MARCHF1: variants seen among roughly 807,000 people sequenced by gnomAD.
MARCHF1 encodes the protein membrane associated ring-CH-type finger 1, also known as E3 ubiquitin-protein ligase MARCHF1.
A neutral mutation model predicts 54.2 loss-of-function variants in MARCHF1; 40 were observed. The observed-to-expected ratio is 0.74, with a 90% CI of 0.57 to 0.96. The LOEUF (loss-of-function observed/expected upper bound fraction) is 0.96, where lower values mean the gene tolerates loss of function less well. MARCHF1 is among the 40% of genes least tolerant of loss of function. The pLI is 0.00. For synonymous variants in MARCHF1, 236 were observed against 236.3 expected (o/e 1.00, Z 0.01); for missense variants, 586 against 656.5 (o/e 0.89, Z 1.17).
chr4:164,223,795 A>G (rs918184003), intron 1 of MARCHF1, among the ~76,000 whole-genome samples: 1 of 151,750 alleles, frequency 6.6e-6, no homozygotes. Flanking sequence ...CCTTATTAAA[A>G]TACACATAGG....
In MARCHF1 at chr4:163,915,736, T is replaced by C. The variant is rs944737012; in HGVS notation, c.-38-61567A>G. ...CAATTCTAACAATAGAGTCTAATTA[T>C]AAAGAATGAATAAGTGTTTATTGAT... On this transcript the variant is annotated intron_variant, in intron 3 of 9. Coordinates refer to ENST00000514618, the MANE Select transcript of MARCHF1 (RefSeq NM_001394959.1). 2.6e-5 allele frequency among the ~76,000 whole-genome samples: 4 copies of C among 152,240 alleles called. 1 individual carries two copies. The East Asian group carries it at 7.7e-4, about 29-fold the overall frequency.
chr4:163,540,589 T>G (rs1738690539), intron 9 of MARCHF1, among the ~76,000 whole-genome samples: 1 of 152,362 alleles, frequency 6.6e-6, no homozygotes, highest in East Asian at 1.9e-4. Flanking sequence ...TATAGCCATG[T>G]TTCAATCTAT....
At chr4:163,905,800 C>T (rs9308068) in intron 3 of MARCHF1, among the ~76,000 whole-genome samples, 3,108 of 152,062 alleles carry the variant, frequency 0.02, 149 homozygotes, top group East Asian at 0.19. Context: ...TCTTCTTCAC[C>T]TGATCTCTAG....
At chr4:163,953,425 T>G (rs887025962) in intron 3 of MARCHF1, among the ~76,000 whole-genome samples, 4 of 152,180 alleles carry the variant, frequency 2.6e-5, no homozygotes, top group African/African-American at 9.7e-5. Context: ...TTAAACAAGA[T>G]GAAATATATA....
At chr4:163,713,705 T>C (rs972248334) in intron 4 of MARCHF1, among the ~76,000 whole-genome samples, 1 of 152,182 alleles carries the variant, frequency 6.6e-6, no homozygotes, top group African/African-American at 2.4e-5. Context: ...AAAATATTTA[T>C]CAATAAAATT....
chr4:163,626,273 C>A (rs1741868530), intron 5 of MARCHF1, among the ~76,000 whole-genome samples: 1 of 152,168 alleles, frequency 6.6e-6, no homozygotes, highest in East Asian at 1.9e-4. Flanking sequence ...GGCATCTAGG[C>A]CATGATTGTG....
At chr4:163,641,839 C>T (rs1382276213) in intron 5 of MARCHF1, among the ~76,000 whole-genome samples, 2 of 152,100 alleles carry the variant, frequency 1.3e-5, no homozygotes, top group African/African-American at 2.4e-5. Flanking sequence ...GGCTTATCTG[C>T]GTTGGAGTTA....
chr4:163,933,894 C>G (rs1751735036), intron 3 of MARCHF1, among the ~76,000 whole-genome samples: 1 of 152,202 alleles, frequency 6.6e-6, no homozygotes, highest in African/African-American at 2.4e-5. Flanking sequence ...GACAACCTCC[C>G]TTCCCAATAA....
chr4:164,300,720 A>G (rs1734533548), intron 1 of MARCHF1, among the ~76,000 whole-genome samples: 1 of 152,030 alleles, frequency 6.6e-6, no homozygotes, highest in Non-Finnish European at 1.5e-5. Context: ...TTTGTATTTT[A>G]TCTAGAGACA....
chr4:164,119,372 A>C (rs1756014463), intron 1 of MARCHF1, among the ~76,000 whole-genome samples: 1 of 151,572 alleles, frequency 6.6e-6, no homozygotes, highest in South Asian at 2.1e-4. Flanking sequence ...AATCAAAAGA[A>C]ATACAAATAA....
chr4:163,625,884 G>C (rs1579125314), intron 5 of MARCHF1, among the ~76,000 whole-genome samples: 1 of 152,130 alleles, frequency 6.6e-6, no homozygotes, highest in East Asian at 1.9e-4. Context: ...AGGATAAAAT[G>C]AATTAATGTC....
chr4:164,285,599 C>G (rs975166387), intron 1 of MARCHF1, among the ~76,000 whole-genome samples: 2 of 151,526 alleles, frequency 1.3e-5, no homozygotes, highest in African/African-American at 4.8e-5. Context: ...CCTGCAACCA[C>G]GCCCGGCTAA....
At chr4:164,292,843 T>C (rs1734316731) in intron 1 of MARCHF1, among the ~76,000 whole-genome samples, 2 of 152,196 alleles carry the variant, frequency 1.3e-5, no homozygotes, top group Admixed American at 1.3e-4. Context: ...ATTTTGTAAT[T>C]ATTTAAAATT....
intron 1 of MARCHF1, among the ~76,000 whole-genome samples, chr4:164,179,724 C>T (rs943208986): frequency 6.6e-6 from 1 of 151,760 alleles, no homozygotes; most frequent in Admixed American, 6.6e-5. Context: ...ATTAATATGT[C>T]TTCTCATTTG....
At chr4:163,822,115 C>G (rs573272501) in intron 4 of MARCHF1, among the ~76,000 whole-genome samples, 12 of 151,750 alleles carry the variant, frequency 7.9e-5, no homozygotes, top group African/African-American at 1.7e-4. Flanking sequence ...CTTTGAATTT[C>G]TTAGAGACAC....
At chr4:164,177,893 T>G (rs1444578574) in intron 1 of MARCHF1, among the ~76,000 whole-genome samples, 1 of 152,088 alleles carries the variant, frequency 6.6e-6, no homozygotes, top group Non-Finnish European at 1.5e-5. Flanking sequence ...CTTCTGCATG[T>G]GTCAGATCAC....
intron 8 of MARCHF1, among the ~76,000 whole-genome samples, chr4:163,568,598 C>G (rs1295399105): frequency 1.3e-5 from 2 of 152,124 alleles, no homozygotes; most frequent in South Asian, 2.1e-4. Flanking sequence ...AATGAAATAT[C>G]TTTATGACAA....
At chr4:163,598,191 T>C (rs1740835575) in intron 7 of MARCHF1, among the ~76,000 whole-genome samples, 1 of 152,128 alleles carries the variant, frequency 6.6e-6, no homozygotes, top group African/African-American at 2.4e-5. Flanking sequence ...TGAAAGGGGG[T>C]GTCTTCAACC....
At chr4:163,904,763 A>AGAGAGAGAGAC (rs374872263) in intron 3 of MARCHF1, among the ~76,000 whole-genome samples, 5 of 151,466 alleles carry the variant, frequency 3.3e-5, no homozygotes, top group Admixed American at 6.6e-5. Context: ...AGGAGAGAGA[A>AGAGAGAGAGAC]AGAGACAGAG....
Sources: gnomAD v4.1 joint callset for allele counts (sites outside exome capture counted in the v4.1 genomes callset) on GRCh38, gnomAD v4.1.1 for gene constraint, MANE v1.5 for transcripts, NCBI Gene and HGNC (gene_info 2026-07-23, HGNC 2026-07-21) for gene names.